TG: variants seen among roughly 807,000 people sequenced by gnomAD.
TG encodes the protein thyroid hormones.
A neutral mutation model predicts 324.7 loss-of-function variants in TG; 270 were observed. The observed-to-expected ratio is 0.83, with a 90% confidence interval of 0.75 to 0.92. TG has a LOEUF of 0.92. TG is among the 40% of genes least tolerant of loss of function. TG has a pLI of 0.00. For synonymous variants in TG, 1,401 were observed against 1,327.0 expected (o/e 1.06, Z -1.21); for missense variants, 3,591 against 3,456.4 (o/e 1.04, Z -0.98).
intron 40 of TG, among the ~76,000 whole-genome samples, chr8:133,026,304 G>A (rs527421209): frequency 3.3e-5 from 5 of 152,366 alleles, no homozygotes; most frequent in East Asian, 1.9e-4. Flanking sequence ...AGAGGAAAAC[G>A]AAAGCAGAAG....
intron 27 of TG, among the ~76,000 whole-genome samples, chr8:132,952,652 G>A (rs1826278372): frequency 6.6e-6 from 1 of 152,212 alleles, no homozygotes; most frequent in Non-Finnish European, 1.5e-5. Context: ...ATTGCCAGGT[G>A]TAGGAAATCA....
intron 35 of TG, among the ~76,000 whole-genome samples, chr8:132,990,222 C>A (rs1832143216): frequency 6.6e-6 from 1 of 150,894 alleles, no homozygotes; most frequent in Admixed American, 6.6e-5. Flanking sequence ...TACAGTCACA[C>A]ACACATTTTT....
chr8:133,049,878 C>A, intron 41 of TG: 1 of 1,460,874 alleles, frequency 6.8e-7, no homozygotes, highest in Non-Finnish European at 9.6e-7. Flanking sequence ...TGCTTAATTG[C>A]TGCCATTTGA....
chr8:133,013,777 C>CTAT lies in TG; in HGVS notation c.6562+14_6562+16dup. 6.2e-7 allele frequency: 1 copy of CTAT among 1,606,662 alleles called. No individual in the cohort carries two copies. The highest frequency in any genetic ancestry group is 8.5e-7 in the Non-Finnish European group (1 of 1,179,526). On this transcript the variant is annotated intron_variant, in intron 37 of 47. Transcript: ENST00000220616. ...TACCGGAAGCCAGGTAAGCCCAAGC[C>CTAT]TATGCCTTTGCAGCCATCCTGGGAA... is the stretch of plus-strand genomic sequence containing the variant.
At chr8:132,867,749 A>C (rs965637009) in intron 1 of TG, among the ~76,000 whole-genome samples, 14 of 126,656 alleles carry the variant, frequency 1.1e-4, no homozygotes, top group Admixed American at 9.3e-5. Context: ...TCTCTAACTT[A>C]CTCCAAATAG....
At chr8:132,989,429 G>A (rs1327844192) in intron 35 of TG, among the ~76,000 whole-genome samples, 1 of 152,204 alleles carries the variant, frequency 6.6e-6, no homozygotes, top group Admixed American at 6.5e-5. Flanking sequence ...TGAGCAATGG[G>A]TGCAGCACAG....
chr8:132,933,440 G>A, intron 23 of TG, 121 bp from the exon 24 acceptor site: 1 of 750,148 alleles, frequency 1.3e-6, no homozygotes, highest in Non-Finnish European at 2.4e-6. Context: ...ATATTTGTGT[G>A]TGTGTGTGTG....
chr8:133,094,978 G>A (rs1294410936), intron 41 of TG, 66 bp from the exon 42 acceptor site: 10 of 1,607,952 alleles, frequency 6.2e-6, no homozygotes, highest in Non-Finnish European at 8.5e-6. Flanking sequence ...TGGCACTGAG[G>A]ACTCCAGGTG....
chr8:132,946,851 G>T (rs1036998505), intron 26 of TG, among the ~76,000 whole-genome samples: 1 of 152,158 alleles, frequency 6.6e-6, no homozygotes, highest in Non-Finnish European at 1.5e-5. Context: ...CTACCTCTCA[G>T]GCACAGCCTT....
At chr8:133,096,469 G>T in intron 43 of TG, 96 bp downstream of exon 43, 3 of 1,467,122 alleles carry the variant, frequency 2.0e-6, no homozygotes, top group Non-Finnish European at 2.8e-6. Context: ...TTGACCAATT[G>T]CTGAGTAACT....
chr8:133,050,602 A>G, intron 41 of TG: 1 of 490,900 alleles, frequency 2.0e-6, no homozygotes, highest in Non-Finnish European at 3.6e-6. Context: ...AAGGAATTTA[A>G]ATTTGATCTA....
intron 35 of TG, among the ~76,000 whole-genome samples, chr8:132,990,128 A>T (rs929663814): frequency 6.6e-6 from 1 of 150,802 alleles, no homozygotes; most frequent in Admixed American, 6.6e-5. Context: ...ACTTCCCCAC[A>T]TGACAACCAG....
chr8:133,055,349 ACACACACGCACGCGCG>A (rs1383199212), intron 41 of TG, among the ~76,000 whole-genome samples: 35 of 80,600 alleles, frequency 4.3e-4, no homozygotes, highest in African/African-American at 1.6e-3. Flanking sequence ...TCTTCAGGAC[ACACACACGCACGCGCG>A]CACACACACA....
intron 27 of TG, among the ~76,000 whole-genome samples, chr8:132,955,197 C>A (rs575832374): frequency 3.5e-4 from 53 of 152,252 alleles, no homozygotes; most frequent in African/African-American, 1.0e-3. Context: ...TCTTTCCCCC[C>A]ACAAGTCACT....
intron 41 of TG, among the ~76,000 whole-genome samples, chr8:133,071,453 G>A (rs1341390833): frequency 6.6e-6 from 1 of 152,152 alleles, no homozygotes; most frequent in African/African-American, 2.4e-5. Context: ...TTCTGGCAAG[G>A]TTATGGTACT....
intron 45 of TG, among the ~76,000 whole-genome samples, chr8:133,128,001 C>T (rs991291604): frequency 2.6e-5 from 4 of 152,158 alleles, no homozygotes; most frequent in Non-Finnish European, 5.9e-5. Flanking sequence ...AAACTCCTTT[C>T]CATTTTCTTG....
In TG at chr8:133,095,348, T is replaced by C. The variant is rs1257601668; in HGVS notation, c.7404+140T>C. The C allele has an allele frequency of 5.9e-6, 7 of 1,193,702 alleles. No individual in the cohort carries two copies. In the East Asian group the frequency reaches 1.5e-4, roughly 25 times the overall value. The allele number at this position is 1,193,702 out of a possible 1,614,324, so 73.9% of individuals were successfully genotyped here. A position where few individuals can be genotyped will look rare whatever the true frequency, so the allele number is the denominator to read the frequency against. On this transcript the variant is annotated intron_variant, in intron 42 of 47. Coordinates refer to ENST00000220616, the MANE Select transcript of TG (RefSeq NM_003235.5). ...GACCAACTGGAGCTGGAACTCACAT[T>C]CCCTAGCCCCTAGAGCTGTGCATGC... is the stretch of plus-strand genomic sequence containing the variant.
intron 35 of TG, among the ~76,000 whole-genome samples, chr8:132,994,003 G>A (rs1832634841): frequency 6.6e-6 from 1 of 152,202 alleles, no homozygotes; most frequent in Non-Finnish European, 1.5e-5. Flanking sequence ...GGTAGAGGGA[G>A]CTGGCGTTTG....
intron 41 of TG, among the ~76,000 whole-genome samples, chr8:133,081,323 T>G (rs1449049810): frequency 6.6e-6 from 1 of 152,248 alleles, no homozygotes; most frequent in Non-Finnish European, 1.5e-5. Flanking sequence ...AGGTTGTGCC[T>G]TTTGAATTAA....
Sources: allele counts gnomAD v4.1 joint callset (sites outside exome capture counted in the v4.1 genomes callset), GRCh38; gene constraint gnomAD v4.1.1; transcripts MANE v1.5; gene names NCBI Gene and HGNC (gene_info 2026-07-23, HGNC 2026-07-21).